PTPRD: variants seen among roughly 807,000 people sequenced by gnomAD.
PTPRD encodes protein tyrosine phosphatase receptor type D.
A neutral mutation model predicts 214.5 loss-of-function variants in PTPRD; 34 were observed. That is an observed-to-expected ratio of 0.16 (90% confidence interval 0.12 to 0.21). The LOEUF is 0.21. PTPRD is among the 10% of genes least tolerant of loss of function. PTPRD has a pLI of 1.00. For missense variants in PTPRD, 2,545 were observed against 2,398.7 expected (o/e 1.06, Z -1.27); for synonymous variants, 1,128 against 845.7 (o/e 1.33, Z -5.79).
At chr9:10,212,040 T>G (rs1318703136) in intron 3 of PTPRD, among the ~76,000 whole-genome samples, 1 of 152,156 alleles carries the variant, frequency 6.6e-6, no homozygotes, top group African/African-American at 2.4e-5. Flanking sequence ...TTAGGAAGAC[T>G]AAATATGACT....
intron 2 of PTPRD, among the ~76,000 whole-genome samples, chr9:10,524,087 C>G (rs833404): frequency 6.6e-6 from 1 of 151,712 alleles, no homozygotes; most frequent in Non-Finnish European, 1.5e-5. Flanking sequence ...CCTTGGTACA[C>G]GCACAGATTT....
chr9:9,125,278 T>C (rs1312543567), intron 10 of PTPRD, among the ~76,000 whole-genome samples: 3 of 152,138 alleles, frequency 2.0e-5, no homozygotes, highest in Non-Finnish European at 4.4e-5. Context: ...AAACTTCCTG[T>C]CATGGGAGCA....
intron 2 of PTPRD, among the ~76,000 whole-genome samples, chr9:10,369,118 T>G (rs73402275): frequency 6.6e-6 from 1 of 152,032 alleles, no homozygotes; most frequent in Non-Finnish European, 1.5e-5. Context: ...AAAAGATGTA[T>G]AGACTAGTTC....
chr9:10,350,638 T>G (rs965736865), intron 2 of PTPRD, among the ~76,000 whole-genome samples: 1 of 152,128 alleles, frequency 6.6e-6, no homozygotes, highest in African/African-American at 2.4e-5. Flanking sequence ...GGATCTTGGT[T>G]AGTGGTCAAA....
chr9:10,243,717 A>AATCTTGCTCCAACCTCTAATTACT lies in PTPRD; in HGVS notation c.-545+97222_-545+97245dup, dbSNP rs931840954. ...ACACCTGGTATATAATCCTACTCACAATCTTGCTCCAACCTCTAATTACTA... is the reference window on the plus strand; with the variant it reads ...ACACCTGGTATATAATCCTACTCACAATCTTGCTCCAACCTCTAATTACTATCTTGCTCCAACCTCTAATTACTA... On this transcript the variant is annotated intron_variant, in intron 3 of 45. Coordinates refer to ENST00000381196, the MANE Select transcript of PTPRD (RefSeq NM_002839.4). Among the ~76,000 whole-genome samples, 26 of 152,090 alleles carry AATCTTGCTCCAACCTCTAATTACT rather than the reference A, an allele frequency of 1.7e-4. 2 individuals are homozygous for AATCTTGCTCCAACCTCTAATTACT. In the East Asian group the frequency reaches 5.0e-3, roughly 29 times the overall value.
At chr9:10,275,427 G>C (rs916685082) in intron 3 of PTPRD, among the ~76,000 whole-genome samples, 3 of 147,976 alleles carry the variant, frequency 2.0e-5, no homozygotes, top group Non-Finnish European at 2.9e-5. Flanking sequence ...AGAGGGATGA[G>C]AGAGAGAAAA....
At chr9:9,547,503 T>G (rs554970887) in intron 8 of PTPRD, among the ~76,000 whole-genome samples, 1 of 152,142 alleles carries the variant, frequency 6.6e-6, no homozygotes, top group African/African-American at 2.4e-5. Flanking sequence ...AAAACATCGA[T>G]AATAATAGGG....
At chr9:10,300,420 C>T (rs1352459893) in intron 3 of PTPRD, among the ~76,000 whole-genome samples, 1 of 152,190 alleles carries the variant, frequency 6.6e-6, no homozygotes, top group Non-Finnish European at 1.5e-5. Flanking sequence ...GAACCATTCC[C>T]TCCCCTGGAA....
chr9:8,759,639 T>C (rs2094279827), intron 11 of PTPRD, among the ~76,000 whole-genome samples: 1 of 149,566 alleles, frequency 6.7e-6, no homozygotes, highest in Admixed American at 6.7e-5. Flanking sequence ...TTTGTCCTCA[T>C]CAATCTTCTT....
chr9:9,712,492 T>C lies in PTPRD; in HGVS notation c.-287+22041A>G, dbSNP rs140995661. 7.2e-4 allele frequency among the ~76,000 whole-genome samples: 110 copies of C among 152,296 alleles called. 1 individual carries two copies. The East Asian group carries it at 0.02, about 27-fold the overall frequency. On this transcript the variant is annotated intron_variant, in intron 7 of 45. Coordinates refer to ENST00000381196, the MANE Select transcript of PTPRD (RefSeq NM_002839.4). ...ATGCTCTCTTTCAGTCAAAAACACA[T>C]TGAACCCGCAGGGAAGAAATACTAC...
intron 8 of PTPRD, among the ~76,000 whole-genome samples, chr9:9,403,779 G>T (rs1302349572): frequency 6.6e-6 from 1 of 152,004 alleles, no homozygotes; most frequent in African/African-American, 2.4e-5. Flanking sequence ...GGATATAGTG[G>T]TAACCATGTG....
chr9:9,282,712 T>C (rs1482744505), intron 9 of PTPRD, among the ~76,000 whole-genome samples: 5 of 151,424 alleles, frequency 3.3e-5, no homozygotes, highest in African/African-American at 1.2e-4. Context: ...AAGTGGACAA[T>C]TGTTGTTTAC....
chr9:8,654,958 T>C (rs1410825867), intron 12 of PTPRD, among the ~76,000 whole-genome samples: 3 of 152,184 alleles, frequency 2.0e-5, no homozygotes, highest in East Asian at 1.9e-4. Flanking sequence ...TCTAGCAAGA[T>C]TGTTTTTTTC....
intron 3 of PTPRD, among the ~76,000 whole-genome samples, chr9:10,059,745 T>C (rs150468362): frequency 1.7e-3 from 253 of 151,684 alleles, no homozygotes; most frequent in African/African-American, 5.8e-3. Flanking sequence ...CATAAAAATA[T>C]CTTATTGGTT....
chr9:9,751,286 T>A (rs1212086977), intron 6 of PTPRD, among the ~76,000 whole-genome samples: 1 of 152,156 alleles, frequency 6.6e-6, no homozygotes, highest in Non-Finnish European at 1.5e-5. Context: ...TATTTTTAAA[T>A]CACTGCTCAA....
intron 2 of PTPRD, among the ~76,000 whole-genome samples, chr9:10,479,610 A>T (rs1254799145): frequency 1.7e-5 from 2 of 118,804 alleles, no homozygotes; most frequent in African/African-American, 6.5e-5. Context: ...GTGAAACCCC[A>T]TCTCTAAAAA....
At chr9:9,153,434 A>G (rs1247462232) in intron 10 of PTPRD, among the ~76,000 whole-genome samples, 1 of 152,068 alleles carries the variant, frequency 6.6e-6, no homozygotes, top group Non-Finnish European at 1.5e-5. Flanking sequence ...TAAATAACAT[A>G]TTTTTTCTTC....
intron 5 of PTPRD, among the ~76,000 whole-genome samples, chr9:9,914,993 C>G (rs561432999): frequency 1.3e-5 from 2 of 152,338 alleles, no homozygotes; most frequent in African/African-American, 4.8e-5. Context: ...AGTTGTTGGA[C>G]TCACTGTGTG....
chr9:8,944,628 T>C (rs999862658), intron 11 of PTPRD, among the ~76,000 whole-genome samples: 1 of 152,076 alleles, frequency 6.6e-6, no homozygotes, highest in Non-Finnish European at 1.5e-5. Flanking sequence ...CAACATTATA[T>C]TATGTGAAAT....
Sources: gnomAD v4.1 joint callset for allele counts (sites outside exome capture counted in the v4.1 genomes callset) on GRCh38, gnomAD v4.1.1 for gene constraint, MANE v1.5 for transcripts, NCBI Gene and HGNC (gene_info 2026-07-23, HGNC 2026-07-21) for gene names.